Variants in RNF207 observed in about 807,000 individuals in gnomAD.
The protein encoded by RNF207 is ring finger protein 207, also known as OTTHUMG00000001089.
In RNF207, 72 loss-of-function variants were observed where a neutral mutation model predicts 79.0. The ratio of observed to expected loss-of-function variants is 0.91; its 90% confidence interval spans 0.75 to 1.11. RNF207 has a LOEUF of 1.11. RNF207 is among the 50% of genes least tolerant of loss of function. RNF207 has a pLI of 0.00. For synonymous variants in RNF207, 348 were observed against 366.2 expected, an observed-to-expected ratio of 0.95 and a Z score of 0.57; for missense variants, 936 against 855.8, an observed-to-expected ratio of 1.09 and a Z score of -1.17.
chr1:6,211,173 G>A lies in RNF207; in HGVS notation c.1109+55G>A, dbSNP rs1430335059. 6 of 1,281,106 alleles carry A rather than the reference G, an allele frequency of 4.7e-6. No individual in the cohort carries two copies. The highest frequency in any genetic ancestry group is 5.4e-6 in the Non-Finnish European group (5 of 927,060). 79.4% of individuals were successfully genotyped at this position (1,281,106 alleles called of 1,614,324 possible). The stretch of plus-strand genomic sequence containing the variant: ...AGGTCCCCAACACTGGGGTGTGGGG[G>A]AGGGTGGGCGCTGAGGGGCCAGATC... On this transcript the variant is annotated intron_variant, in intron 12 of 17. Transcript: ENST00000377939. This position sits in a 1 kb window ranked among gnomAD's most constrained non-coding sequence, Gnocchi z 4.2.
chr1:6,206,304 T>A lies in RNF207; in HGVS notation c.-1+2T>A. On this transcript the variant is annotated splice_donor_variant, in intron 1 of 17. Transcript: ENST00000377939. LOFTEE classifies it low-confidence loss of function (5UTR_SPLICE). Reference sequence around the variant, plus strand: ...GCTCCCAGCAAAGCGGCCCAGCGGGTAGGTACAAGGCCCCGCCCCTCGCCA... The same window carrying A: ...GCTCCCAGCAAAGCGGCCCAGCGGGAAGGTACAAGGCCCCGCCCCTCGCCA... 1 of 464,278 alleles carries A rather than the reference T, an allele frequency of 2.2e-6. No homozygotes were observed. The allele number at this position is 464,278 out of a possible 1,614,324, so 28.8% of individuals were successfully genotyped here.
chr1:6,211,894 G>A lies in RNF207; in HGVS notation c.1137G>A (p.Ala379=), dbSNP rs1437743103. 5 of 1,549,386 alleles carry A rather than the reference G, an allele frequency of 3.2e-6. No homozygotes were observed. Among genetic ancestry groups the A allele is most frequent in the African/African-American group, 1.4e-5 (1 of 73,008 alleles). Residue 379 remains alanine, a synonymous_variant, in exon 13 of 18, where the codon GCG becomes GCA. Transcript: ENST00000377939. The surrounding 1 kb of genome is among the most constrained non-coding windows in gnomAD (Gnocchi z 4.2). The stretch of plus-strand genomic sequence containing the variant: ...TGGCAGGGGGCTTAGGCCCCAAGGC[G>A]CTGACGGGGCCCCACTGCCCCTCCC... The part of the protein sequence containing the change: ...NTLAGGLGPK[A]LTGPHCPSPV...
Position 6,208,924 on chromosome 1 carries a change from TATGCGC to T in RNF207, c.369_374del (p.Cys124_Ala125del). ...TTCTGCAACACGTGCGGACAGCCCCTATGCGCGCGCTGCCGCGACGAGACGCACCGA... is the reference window on the plus strand; with the variant it reads ...TTCTGCAACACGTGCGGACAGCCCCTGCGCTGCCGCGACGAGACGCACCGA... On this transcript the variant is annotated inframe_deletion, in exon 4 of 18. Coordinates refer to ENST00000377939, the MANE Select transcript of RNF207 (RefSeq NM_207396.3). The T allele has an allele frequency of 6.5e-7, 1 of 1,534,748 alleles. No individual in the cohort carries two copies. The highest frequency in any genetic ancestry group is 8.7e-7 in the Non-Finnish European group (1 of 1,145,622).
chr1:6,208,175 C>T (rs1351345935), intron 3 of RNF207: 1 of 176,350 alleles, frequency 5.7e-6, no homozygotes, highest in Admixed American at 5.5e-5. Context: ...GGGAGGAGAA[C>T]CTTAAAGCCC....
At position 6,213,136 on chromosome 1, in the gene RNF207, G is replaced by A. The variant is rs115428712; in HGVS notation, c.1605G>A (p.Thr535=). ...TGACCACCATCACCAAGCAGATCAC[G>A]CCCTACGTCCGCTCCATTGCCAAGG... The part of the protein sequence containing the change: ...AYLTTITKQI[T]PYVRSIAKVK... Residue 535 remains threonine, a synonymous_variant, in exon 16 of 18, where the codon ACG becomes ACA. Coordinates refer to ENST00000377939, the MANE Select transcript of RNF207 (RefSeq NM_207396.3). 26 of 1,613,300 alleles carry A rather than the reference G, an allele frequency of 1.6e-5. No homozygotes were observed. In the African/African-American group the frequency reaches 2.5e-4, roughly 16 times the overall value.
At position 6,209,968 on chromosome 1, in the gene RNF207, G is replaced by A; in HGVS notation, c.798G>A (p.Gln266=). ...AAGCGCTGCTGCTGCAGGCTGTGCA[G>A]AGGTGAGTTGGGGGGAGCGGGGCTT... ...ERKALLLQAV[Q]SQYEEKDKAF... Residue 266 remains glutamine (Q), a splice_region_variant and synonymous_variant, in exon 8 of 18, where the codon CAG becomes CAA. Coordinates refer to ENST00000377939, the MANE Select transcript of RNF207 (RefSeq NM_207396.3). 1 of 1,589,526 alleles carries A rather than the reference G, an allele frequency of 6.3e-7. No individual in the cohort carries two copies. The highest frequency in any genetic ancestry group is 8.6e-7 in the Non-Finnish European group (1 of 1,167,280).
intron 16 of RNF207, among the ~76,000 whole-genome samples, chr1:6,214,235 C>T (rs973162991): frequency 6.6e-6 from 1 of 152,082 alleles, no homozygotes; most frequent in Non-Finnish European, 1.5e-5. Context: ...AGACTCCTAA[C>T]CCTTGTAATG....
chr1:6,211,084 C>T lies in RNF207; in HGVS notation c.1075C>T (p.Arg359Cys), dbSNP rs367717728. 185 of 1,603,634 alleles carry T rather than the reference C, an allele frequency of 1.2e-4. 1 individual carries two copies. The highest frequency in any genetic ancestry group is 2.8e-4 in the South Asian group (25 of 90,336). Residue 359 changes from arginine (R) to cysteine (C), a missense_variant, in exon 12 of 18, where the codon CGT becomes TGT. Arg to Cys is a radical substitution (Grantham distance 180, BLOSUM62 -3). Transcript: ENST00000377939. This position sits in a 1 kb window ranked among gnomAD's most constrained non-coding sequence, Gnocchi z 4.2. ...GGAGCCACTGCTGCTGCTGGGGCCA[C>T]GTCGGGTGGCAGCTGCTGCAAGTGG... ...CLEPLLLLGP[R>C]RVAAAASGAN...
In RNF207 at chr1:6,212,058, G is replaced by C; in HGVS notation, c.1296+5G>C. The C allele has an allele frequency of 6.3e-6, 10 of 1,592,114 alleles. No individual in the cohort carries two copies. Among genetic ancestry groups the C allele is most frequent in the Non-Finnish European group, 7.7e-6 (9 of 1,168,896 alleles). On this transcript the variant is annotated splice_donor_5th_base_variant and intron_variant, in intron 13 of 17. Transcript: ENST00000377939. ...CACTATGAGGACTCCTACCGGGTGA[G>C]GGGGCAGGGATCTGCCGGAGGGGGG...
At chr1:6,213,278 C>T (rs778722613) in intron 16 of RNF207, 95 bp downstream of exon 16, 96 of 747,430 alleles carry the variant, frequency 1.3e-4, no homozygotes, top group Non-Finnish European at 1.7e-4. Flanking sequence ...CCTAACACTT[C>T]GGGAGGCTGA....
chr1:6,209,498 G>T lies in RNF207; in HGVS notation c.712G>T (p.Glu238Ter). 1 of 1,477,828 alleles carries T rather than the reference G, an allele frequency of 6.8e-7. No individual in the cohort carries two copies. Among genetic ancestry groups the T allele is most frequent in the South Asian group, 1.4e-5 (1 of 71,682 alleles). The allele number at this position is 1,477,828 out of a possible 1,614,324, so 91.5% of individuals were successfully genotyped here. ...MVEEVRHSAA[E>*]EEDAIHALFG... ...GGAGGAGGTGCGGCACAGCGCCGCC[G>T]AGGAGGAGGACGCTATCCACGCCCT... The change falls in exon 7 of 18, where the codon GAG (glutamate) becomes TAG (stop). Residue 238 changes from glutamate (E) to a stop codon, truncating the protein, a stop_gained. Transcript: ENST00000377939. LOFTEE classifies it high-confidence loss of function.
intron 3 of RNF207, 186 bp from the exon 4 acceptor site, chr1:6,208,695 G>A: frequency 5.3e-6 from 3 of 567,172 alleles, no homozygotes; most frequent in Admixed American, 3.6e-5. Flanking sequence ...CCTCTGAGCC[G>A]CAGTGCCCTC....
intron 2 of RNF207, among the ~76,000 whole-genome samples, chr1:6,206,983 G>A (rs1289501010): frequency 6.6e-6 from 1 of 152,202 alleles, no homozygotes; most frequent in African/African-American, 2.4e-5. Flanking sequence ...CAGAGGGTAA[G>A]GGCGGGGCTC....
chr1:6,206,557 CCCCTGGAGGGCCCGAGCT>C lies in RNF207; in HGVS notation c.30_47del (p.Glu10_Leu15del), dbSNP rs1208851659. On this transcript the variant is annotated inframe_deletion, in exon 2 of 18. Coordinates refer to ENST00000377939, the MANE Select transcript of RNF207 (RefSeq NM_207396.3). ...GCAGATGTCGGGAGCTATCTTCGGG[CCCCTGGAGGGCCCGAGCT>C]CCCTGGATGCCCCGAGCATCCACCC... 1 of 1,590,898 alleles carries C rather than the reference CCCCTGGAGGGCCCGAGCT, an allele frequency of 6.3e-7. No homozygotes were observed. Among genetic ancestry groups the C allele is most frequent in the Non-Finnish European group, 8.5e-7 (1 of 1,175,730 alleles).
rs1206343598 is a variant in RNF207, at chr1:6,221,279, T to C, written c.*1872T>C. The C allele has an allele frequency of 1.3e-5, 2 of 152,614 alleles. No homozygotes were observed. The highest frequency in any genetic ancestry group is 2.9e-5 in the Non-Finnish European group (2 of 68,034). 9.5% of individuals were successfully genotyped at this position (152,614 alleles called of 1,614,324 possible). Reference sequence around the variant, plus strand: ...GAAAATCCAATTTAGAATATTTAAATAAACATTTATGTAAAAAGAAGAGTA... The same window carrying C: ...GAAAATCCAATTTAGAATATTTAAACAAACATTTATGTAAAAAGAAGAGTA... On this transcript the variant is annotated 3_prime_UTR_variant, in exon 18 of 18. Transcript: ENST00000377939.
At chr1:6,218,501 C>A in intron 17 of RNF207, 132 bp downstream of exon 17, 1 of 645,628 alleles carries the variant, frequency 1.5e-6, no homozygotes. Flanking sequence ...CTTTGTAAAA[C>A]AAGGGGTCAG....
chr1:6,207,464 G>C lies in RNF207; in HGVS notation c.277G>C (p.Val93Leu). ...QFLVDSSGDGVEAVRCANCDL... is the reference protein window; with the variant it reads ...QFLVDSSGDGLEAVRCANCDL... ...CCTGGTGGACAGCTCAGGGGATGGC[G>C]TGGAGGCGGTGCGCTGTGCCAACTG... Residue 93 changes from valine to leucine, a missense_variant, in exon 3 of 18, where the codon GTG becomes CTG. Transcript: ENST00000377939. The surrounding 1 kb of genome is among the most constrained non-coding windows in gnomAD (Gnocchi z 4.5). 6.3e-7 allele frequency: 1 copy of C among 1,589,292 alleles called. No homozygotes were observed. The highest frequency in any genetic ancestry group is 8.6e-7 in the Non-Finnish European group (1 of 1,166,666).
chr1:6,206,331 T>C (rs953775089), intron 1 of RNF207, 29 bp downstream of exon 1: 7 of 564,660 alleles, frequency 1.2e-5, no homozygotes, highest in African/African-American at 4.0e-5. Context: ...CCCTCGCCAG[T>C]CCTCACTGCC....
rs1259827714 is a variant in RNF207 at position 6,217,458 on chromosome 1, T to C, written c.1653-831T>C. On this transcript the variant is annotated intron_variant, in intron 16 of 17. Transcript: ENST00000377939. The surrounding 1 kb of genome is among the most constrained non-coding windows in gnomAD (Gnocchi z 4.2). ...GACTCATCTCCCACTGCCCCCTTCCTGGGCAGCCCTACCTGGATGTCTACA... is the reference window on the plus strand; with the variant it reads ...GACTCATCTCCCACTGCCCCCTTCCCGGGCAGCCCTACCTGGATGTCTACA... Among the ~76,000 whole-genome samples the C allele has an allele frequency of 6.6e-6, 1 of 152,150 alleles. No individual in the cohort carries two copies. The highest frequency in any genetic ancestry group is 1.5e-5 in the Non-Finnish European group (1 of 68,014).
Sources: allele counts gnomAD v4.1 joint callset (sites outside exome capture counted in the v4.1 genomes callset), GRCh38; gene constraint gnomAD v4.1.1; non-coding constraint Gnocchi (gnomAD v3.1); transcripts MANE v1.5; gene names NCBI Gene and HGNC (gene_info 2026-07-23, HGNC 2026-07-21).